AFF2: variants seen among roughly 807,000 people sequenced by gnomAD.
AFF2 encodes the protein ALF transcription elongation factor 2.
In AFF2, 14 loss-of-function variants were observed where a neutral mutation model predicts 76.9. The ratio of observed to expected loss-of-function variants is 0.18; its 90% CI spans 0.12 to 0.28. The LOEUF is 0.28. Ranked by LOEUF, AFF2 falls within the 10% of genes least tolerant of loss-of-function variation. AFF2 has a pLI of 1.00. For missense variants in AFF2, 868 were observed against 1,001.1 expected, an observed-to-expected ratio of 0.87 and a Z score of 1.79; for synonymous variants, 398 against 366.7, an observed-to-expected ratio of 1.09 and a Z score of -0.98.
At chrX:148,863,841 A>G (rs2070876685) in intron 7 of AFF2, among the ~76,000 whole-genome samples, 1 of 111,840 alleles carries the variant, frequency 8.9e-6, no homozygotes, top group South Asian at 3.8e-4. Context: ...GTATATTTTC[A>G]TCTACAAAGA....
intron 3 of AFF2, among the ~76,000 whole-genome samples, chrX:148,711,361 A>G (rs1370416156): frequency 8.9e-6 from 1 of 112,091 alleles, no homozygotes; most frequent in Non-Finnish European, 1.9e-5. Context: ...ATTATTATGT[A>G]TGACAGACCA....
intron 1 of AFF2, among the ~76,000 whole-genome samples, chrX:148,615,597 C>T (rs2124409914): frequency 9.0e-6 from 1 of 111,665 alleles, no homozygotes. Context: ...CATGAGAAGG[C>T]CCAATGCTCT....
At chrX:148,784,460 C>G (rs2069787337) in intron 3 of AFF2, among the ~76,000 whole-genome samples, 1 of 111,534 alleles carries the variant, frequency 9.0e-6, no homozygotes, top group Non-Finnish European at 1.9e-5. Flanking sequence ...GTCGGAAAGG[C>G]CAAAGGATAG....
chrX:148,630,233 G>A (rs2053966751), intron 1 of AFF2, among the ~76,000 whole-genome samples: 1 of 111,237 alleles, frequency 9.0e-6, no homozygotes, highest in South Asian at 3.8e-4. Context: ...TCACACAAAG[G>A]GCCTGAAGGT....
rs781815583 is a variant in AFF2, at chrX:148,569,097, T to C, written c.47+67953T>C. 5.4e-5 allele frequency among the ~76,000 whole-genome samples: 6 copies of C among 110,509 alleles called. No homozygotes were observed. In the South Asian group the frequency reaches 2.3e-3, roughly 43 times the overall value. ...CTGTGTGACCTTGGGTAAGTCACTT[T>C]CCCTCTCTGACTTCAGTTTCCTCAT... On this transcript the variant is annotated intron_variant, in intron 1 of 20. Coordinates refer to ENST00000370460, the MANE Select transcript of AFF2 (RefSeq NM_002025.4).
At chrX:148,811,949 CT>C (rs1368435302) in intron 4 of AFF2, among the ~76,000 whole-genome samples, 3 of 109,441 alleles carry the variant, frequency 2.7e-5, no homozygotes, top group South Asian at 3.9e-4. Context: ...AGAAATGTCT[CT>C]TTTTTTTGAA....
chrX:148,755,103 T>C (rs1166263812), intron 3 of AFF2, among the ~76,000 whole-genome samples: 1 of 111,720 alleles, frequency 9.0e-6, no homozygotes, highest in Admixed American at 9.5e-5. Flanking sequence ...TGAAACTTCC[T>C]GATTGCTTTT....
intron 1 of AFF2, among the ~76,000 whole-genome samples, chrX:148,569,679 C>T (rs2053207366): frequency 9.0e-6 from 1 of 111,276 alleles, no homozygotes; most frequent in Non-Finnish European, 1.9e-5. Flanking sequence ...GCTGAAGTCA[C>T]GGTGTTAGCC....
In AFF2 at chrX:148,958,350, C is replaced by T; in HGVS notation, c.2582C>T (p.Ala861Val). 8.3e-7 allele frequency: 1 copy of T among 1,211,023 alleles called. No individual in the cohort carries two copies. Among genetic ancestry groups the T allele is most frequent in the Non-Finnish European group, 1.1e-6 (1 of 895,170 alleles). The change falls in exon 12 of 21, where the codon GCA (alanine) becomes GTA (valine). Residue 861 changes from alanine (A) to valine (V), a missense_variant. By Grantham distance (64) the Ala-to-Val change is moderately conservative (BLOSUM62 0). Coordinates refer to ENST00000370460, the MANE Select transcript of AFF2 (RefSeq NM_002025.4). ...TCCCTGTTAAAGCCAATAGAAGTTG[C>T]AGAGAAGATCCCTGAGAAGAAGCAG... is the stretch of plus-strand genomic sequence containing the variant. ...GKRKHKPIEV[A>V]EKIPEKKQRL...
intron 4 of AFF2, among the ~76,000 whole-genome samples, chrX:148,824,735 T>A (rs2070367914): frequency 9.0e-6 from 1 of 111,691 alleles, no homozygotes; most frequent in Non-Finnish European, 1.9e-5. Flanking sequence ...GTAAGGGCAG[T>A]GGTTTCAAAA....
At chrX:148,989,202 G>T (rs1341603194) in intron 20 of AFF2, among the ~76,000 whole-genome samples, 1 of 112,763 alleles carries the variant, frequency 8.9e-6, no homozygotes, top group Admixed American at 9.3e-5. Flanking sequence ...GATTTGCCTA[G>T]CATGTCTGCC....
At chrX:148,884,796 A>G (rs1557278888) in intron 7 of AFF2, among the ~76,000 whole-genome samples, 1 of 112,130 alleles carries the variant, frequency 8.9e-6, no homozygotes, top group Non-Finnish European at 1.9e-5. Flanking sequence ...GGAAAAAAAT[A>G]TTCTTCCTGA....
At chrX:148,715,097 C>T (rs1004247187) in intron 3 of AFF2, among the ~76,000 whole-genome samples, 2 of 111,087 alleles carry the variant, frequency 1.8e-5, no homozygotes, top group African/African-American at 3.3e-5. Flanking sequence ...GGAAGCATCC[C>T]AGGACCTTGA....
At chrX:148,781,367 G>A (rs1406391965) in intron 3 of AFF2, among the ~76,000 whole-genome samples, 9 of 112,435 alleles carry the variant, frequency 8.0e-5, no homozygotes, top group East Asian at 2.8e-4. Flanking sequence ...GGAGATGGGA[G>A]TTTTATATAT....
At chrX:148,859,198 G>A (rs1193207642) in intron 7 of AFF2, among the ~76,000 whole-genome samples, 1 of 104,874 alleles carries the variant, frequency 9.5e-6, no homozygotes, top group Non-Finnish European at 2.0e-5. Context: ...AGAAAACAAA[G>A]GTAGTTTCCT....
intron 7 of AFF2, among the ~76,000 whole-genome samples, chrX:148,857,142 A>G (rs1168892112): frequency 8.9e-6 from 1 of 112,202 alleles, no homozygotes. Flanking sequence ...AATACACTGT[A>G]TATCAAAATA....
intron 8 of AFF2, among the ~76,000 whole-genome samples, chrX:148,894,355 C>A (rs150245804): frequency 9.0e-6 from 1 of 111,375 alleles, no homozygotes; most frequent in African/African-American, 3.3e-5. Flanking sequence ...CTTGTTCTGC[C>A]TGGAAAACTG....
intron 4 of AFF2, among the ~76,000 whole-genome samples, chrX:148,821,377 A>T (rs1557272534): frequency 2.7e-5 from 3 of 110,872 alleles, no homozygotes; most frequent in African/African-American, 9.9e-5. Flanking sequence ...TGTTCAATAG[A>T]GGCACTGTGC....
chrX:148,809,204 T>C (rs1245862937), intron 3 of AFF2, among the ~76,000 whole-genome samples: 6 of 112,116 alleles, frequency 5.4e-5, no homozygotes, highest in Non-Finnish European at 7.5e-5. Flanking sequence ...GCTGGTTGCT[T>C]ATTTTGTTAT....
Sources: allele counts gnomAD v4.1 joint callset (sites outside exome capture counted in the v4.1 genomes callset), GRCh38; gene constraint gnomAD v4.1.1; transcripts MANE v1.5; gene names NCBI Gene and HGNC (gene_info 2026-07-23, HGNC 2026-07-21).